NR2F2: variants seen among roughly 807,000 people sequenced by gnomAD.
NR2F2 encodes COUP transcription factor 2.
A neutral mutation model predicts 34.8 loss-of-function variants in NR2F2; 2 were observed. The observed-to-expected ratio is 0.06, with a 90% CI of 0.02 to 0.18. The LOEUF is 0.18. Ranked by LOEUF, NR2F2 falls within the 10% of genes least tolerant of loss-of-function variation. The pLI, the probability that NR2F2 is intolerant of heterozygous loss-of-function variation, is 1.00. For missense variants in NR2F2, 300 were observed against 580.1 expected (o/e 0.52, Z 4.96); for synonymous variants, 274 against 251.8 (o/e 1.09, Z -0.84).
Position 96,332,021 on chromosome 15 carries a change from G to A in NR2F2, c.-85G>A, listed in dbSNP as rs2141166445. ...TCGCACACACAAAAGGCGGCGCGCC[G>A]GAGCCCGAGACCCGGGGAGCCGCCG... On this transcript the variant is annotated 5_prime_UTR_variant, in exon 1 of 3. Coordinates refer to ENST00000394166, the MANE Select transcript of NR2F2 (RefSeq NM_021005.4). 3.2e-6 allele frequency: 4 copies of A among 1,231,226 alleles called. No homozygotes were observed. The highest frequency in any genetic ancestry group is 3.4e-5 in the East Asian group (1 of 29,190). The allele number at this position is 1,231,226 out of a possible 1,614,324, so 76.3% of individuals were successfully genotyped here. A position where few individuals can be genotyped will look rare whatever the true frequency, so the allele number is the denominator to read the frequency against.
intron 2 of NR2F2, among the ~76,000 whole-genome samples, chr15:96,335,063 C>A (rs1209115866): frequency 6.6e-6 from 1 of 152,258 alleles, no homozygotes; most frequent in Non-Finnish European, 1.5e-5. Context: ...CCTGCTAACT[C>A]AATAGGAGTT....
chr15:96,331,764 C>T lies in NR2F2; in HGVS notation c.-342C>T, dbSNP rs1899150912. ...TCAGCTCTCCCTCCCCTCCCTCTTT[C>T]TCCACGTTCTGCTCCCACTCGCTCT... On this transcript the variant is annotated 5_prime_UTR_variant, in exon 1 of 3. Coordinates refer to ENST00000394166, the MANE Select transcript of NR2F2 (RefSeq NM_021005.4). 2.6e-6 allele frequency: 3 copies of T among 1,156,566 alleles called. No homozygotes were observed. Among genetic ancestry groups the T allele is most frequent in the East Asian group, 6.9e-5 (2 of 29,136 alleles). The allele number at this position is 1,156,566 out of a possible 1,614,324, so 71.6% of individuals were successfully genotyped here. A position where few individuals can be genotyped will look rare whatever the true frequency, so the allele number is the denominator to read the frequency against.
intron 1 of NR2F2, 97 bp from the exon 2 acceptor site, chr15:96,333,973 AGGGCCT>A (rs1240692405): frequency 6.5e-6 from 10 of 1,530,742 alleles, no homozygotes; most frequent in Non-Finnish European, 8.7e-6. Context: ...TGCGCTGCTC[AGGGCCT>A]GGGTCAGGTG....
chr15:96,328,195 C>G (rs1260137396), upstream of NR2F2, among the ~76,000 whole-genome samples: 1 of 152,132 alleles, frequency 6.6e-6, no homozygotes, highest in Non-Finnish European at 1.5e-5. Context: ...GAGTGAAACA[C>G]CCCTGACTTT....
At chr15:96,333,964 G>A in intron 1 of NR2F2, 112 bp from the exon 2 acceptor site, 1 of 1,519,178 alleles carries the variant, frequency 6.6e-7, no homozygotes, top group Admixed American at 2.0e-5. Context: ...CCTGGTTCTT[G>A]CGCTGCTCAG....
Position 96,332,196 on chromosome 15 carries a change from G to C in NR2F2, c.91G>C (p.Gly31Arg). Residue 31 changes from glycine (G) to arginine (R), a missense_variant, in exon 1 of 3, where the codon GGC becomes CGC. By Grantham distance (125) the Gly-to-Arg change is moderately radical. Transcript: ENST00000394166. ...GGCCTCGCAGGCGCCGCCCGTGCCC[G>C]GCCCGCCGCCCGGCGCCCCGCACAC... is the stretch of plus-strand genomic sequence containing the variant. ...SQASQAPPVP[G>R]PPPGAPHTPQ... 2.2e-6 allele frequency: 3 copies of C among 1,335,468 alleles called. No individual in the cohort carries two copies. Among genetic ancestry groups the C allele is most frequent in the Non-Finnish European group, 2.9e-6 (3 of 1,045,162 alleles). The allele number at this position is 1,335,468 out of a possible 1,614,324, so 82.7% of individuals were successfully genotyped here. A position where few individuals can be genotyped will look rare whatever the true frequency, so the allele number is the denominator to read the frequency against.
chr15:96,326,630 C>T (rs1227561782), upstream of NR2F2, among the ~76,000 whole-genome samples: 1 of 151,962 alleles, frequency 6.6e-6, no homozygotes. This position sits in a 1 kb window ranked among gnomAD's most constrained non-coding sequence, Gnocchi z 5.5. Flanking sequence ...TAAACCGAAG[C>T]GTTAAGACTG....
chr15:96,332,078 AG>A lies in NR2F2; in HGVS notation c.-26del, dbSNP rs1899163503. The A allele has an allele frequency of 7.8e-7, 1 of 1,279,294 alleles. No individual in the cohort carries two copies. The highest frequency in any genetic ancestry group is 9.9e-7 in the Non-Finnish European group (1 of 1,012,440). The allele number at this position is 1,279,294 out of a possible 1,614,324, so 79.2% of individuals were successfully genotyped here. A position where few individuals can be genotyped will look rare whatever the true frequency, so the allele number is the denominator to read the frequency against. On this transcript the variant is annotated 5_prime_UTR_variant, in exon 1 of 3. Coordinates refer to ENST00000394166, the MANE Select transcript of NR2F2 (RefSeq NM_021005.4). ...CGCCGCCGCCCGCAGCCAGGGGAGC[AG>A]GAAGTCCGGACGCAGCCCCCATAGA...
rs3833035 is a variant in NR2F2 at position 96,337,281 on chromosome 15, ATTCTTC to A, written c.971-46_971-41del. Reference sequence around the variant, plus strand: ...TCAAACCTCTTAATCTGATGACTGAATTCTTCTTCTTCTTCTTCTTCTTCTTTTTCT... The same window carrying A: ...TCAAACCTCTTAATCTGATGACTGAATTCTTCTTCTTCTTCTTCTTTTTCT... On this transcript the variant is annotated intron_variant, in intron 2 of 2. Transcript: ENST00000394166. 5.6e-3 allele frequency: 8,360 copies of A among 1,494,458 alleles called. 45 individuals carry two copies. Among genetic ancestry groups the A allele is most frequent in the African/African-American group, 0.024 (1,707 of 70,524 alleles). 92.6% of individuals were successfully genotyped at this position (1,494,458 alleles called of 1,614,324 possible). A position where few individuals can be genotyped will look rare whatever the true frequency, so the allele number is the denominator to read the frequency against.
Position 96,338,898 on chromosome 15 carries a change from G to C in NR2F2, c.*1276G>C, listed in dbSNP as rs114200338. 7.0e-6 allele frequency: 1 copy of C among 143,016 alleles called. No homozygotes were observed. The highest frequency in any genetic ancestry group is 1.5e-5 in the Non-Finnish European group (1 of 65,318). The allele number at this position is 143,016 out of a possible 1,614,324, so 8.9% of individuals were successfully genotyped here. On this transcript the variant is annotated 3_prime_UTR_variant, in exon 3 of 3. Coordinates refer to ENST00000394166, the MANE Select transcript of NR2F2 (RefSeq NM_021005.4). ...TAGCTGGCCGGGCGGGGGGTGGTGGGGGGGGGCATTTGTTTACTCCCCTCA... is the reference window on the plus strand; with the variant it reads ...TAGCTGGCCGGGCGGGGGGTGGTGGCGGGGGGCATTTGTTTACTCCCCTCA...
Position 96,337,691 on chromosome 15 carries a change from T to G in NR2F2, c.*69T>G. On this transcript the variant is annotated 3_prime_UTR_variant, in exon 3 of 3. Transcript: ENST00000394166. Reference sequence around the variant, plus strand: ...CAAAAGACTGGTTTGTTTGCTTAATTTCCTTCTGTTAAGAAAGGATATAAA... The same window carrying G: ...CAAAAGACTGGTTTGTTTGCTTAATGTCCTTCTGTTAAGAAAGGATATAAA... The G allele has an allele frequency of 6.7e-7, 1 of 1,489,166 alleles. No individual in the cohort carries two copies. Among genetic ancestry groups the G allele is most frequent in the Non-Finnish European group, 9.1e-7 (1 of 1,097,858 alleles). The allele number at this position is 1,489,166 out of a possible 1,614,324, so 92.2% of individuals were successfully genotyped here.
At position 96,331,947 on chromosome 15, in the gene NR2F2, AAC is replaced by A. The variant is rs1238967607; in HGVS notation, c.-158_-157del. On this transcript the variant is annotated 5_prime_UTR_variant, in exon 1 of 3. Transcript: ENST00000394166. Reference sequence around the variant, plus strand: ...AAGGAAAAACTAACCAACCTCAACCAACCAGCCCCCGAGCCACCCGGGGCGCC... The same window carrying A: ...AAGGAAAAACTAACCAACCTCAACCACAGCCCCCGAGCCACCCGGGGCGCC... 1 of 1,205,474 alleles carries A rather than the reference AAC, an allele frequency of 8.3e-7. No homozygotes were observed. The highest frequency in any genetic ancestry group is 3.4e-5 in the East Asian group (1 of 28,986). The allele number at this position is 1,205,474 out of a possible 1,614,324, so 74.7% of individuals were successfully genotyped here. A position where few individuals can be genotyped will look rare whatever the true frequency, so the allele number is the denominator to read the frequency against.
In NR2F2 at chr15:96,331,948, A is replaced by G. The variant is rs370551634; in HGVS notation, c.-158A>G. The G allele has an allele frequency of 3.7e-4, 448 of 1,199,144 alleles. 7 individuals carry two copies. In the South Asian group the frequency reaches 0.017, roughly 45 times the overall value. 74.3% of individuals were successfully genotyped at this position (1,199,144 alleles called of 1,614,324 possible). On this transcript the variant is annotated 5_prime_UTR_variant, in exon 1 of 3. Transcript: ENST00000394166. ...AGGAAAAACTAACCAACCTCAACCA[A>G]CCAGCCCCCGAGCCACCCGGGGCGC... is the stretch of plus-strand genomic sequence containing the variant.
rs1326848644 is a variant in NR2F2 at position 96,331,566 on chromosome 15, A to G, written c.-540A>G. On this transcript the variant is annotated 5_prime_UTR_variant, in exon 1 of 3. Transcript: ENST00000394166. The stretch of plus-strand genomic sequence containing the variant: ...CTCCTCTACCTCCTCCTTCACCACC[A>G]CCTCCTCTTCCTCCTCCTCCTCCTC... 9.1e-6 allele frequency: 11 copies of G among 1,208,108 alleles called. No individual in the cohort carries two copies. The highest frequency in any genetic ancestry group is 1.1e-5 in the Non-Finnish European group (11 of 974,734). The allele number at this position is 1,208,108 out of a possible 1,614,324, so 74.8% of individuals were successfully genotyped here.
intron 2 of NR2F2, among the ~76,000 whole-genome samples, chr15:96,335,542 T>A (rs1199817361): frequency 6.6e-6 from 1 of 152,226 alleles, no homozygotes; most frequent in Non-Finnish European, 1.5e-5. Context: ...ACCAACCCCC[T>A]TTCACATTCT....
intron 1 of NR2F2, 111 bp from the exon 2 acceptor site, chr15:96,333,965 C>A (rs1461704826): frequency 1.3e-6 from 2 of 1,518,252 alleles, no homozygotes; most frequent in South Asian, 1.3e-5. Context: ...CTGGTTCTTG[C>A]GCTGCTCAGG....
rs544818848 is a variant in NR2F2 at position 96,331,040 on chromosome 15, T to G, written c.-1066T>G. 1.3e-4 allele frequency: 165 copies of G among 1,239,078 alleles called. 2 individuals carry two copies. The South Asian group carries it at 2.9e-3, about 22-fold the overall frequency. 76.8% of individuals were successfully genotyped at this position (1,239,078 alleles called of 1,614,324 possible). ...CGAGTTGACTCTTTCCCTATGTGTG[T>G]GAGGCGGCGGCGGCAGCAGCAGCAG... On this transcript the variant is annotated 5_prime_UTR_variant, in exon 1 of 3. Transcript: ENST00000394166.
At chr15:96,336,986 G>A (rs562105351) in intron 2 of NR2F2, among the ~76,000 whole-genome samples, 1 of 151,944 alleles carries the variant, frequency 6.6e-6, no homozygotes, top group Non-Finnish European at 1.5e-5. Flanking sequence ...GGTAGTTTTG[G>A]TTTCTTCTGT....
intron 2 of NR2F2, 58 bp downstream of exon 2, chr15:96,334,661 A>G (rs1899265903): frequency 3.9e-6 from 6 of 1,523,574 alleles, no homozygotes; most frequent in Non-Finnish European, 5.3e-6. Context: ...GCTGGGGCCC[A>G]GAGAACTTGG....
Sources: allele counts gnomAD v4.1 joint callset (sites outside exome capture counted in the v4.1 genomes callset), GRCh38; gene constraint gnomAD v4.1.1; non-coding constraint Gnocchi (gnomAD v3.1); transcripts MANE v1.5; gene names NCBI Gene and HGNC (gene_info 2026-07-23, HGNC 2026-07-21).